Variants in FGF12 observed in about 807,000 individuals in gnomAD.
The protein encoded by FGF12 is fibroblast growth factor 12B.
In FGF12, 14 loss-of-function variants were observed where a neutral mutation model predicts 23.6. That is an observed-to-expected ratio of 0.59 (90% confidence interval 0.39 to 0.93). The LOEUF (loss-of-function observed/expected upper bound fraction) is 0.93. Ranked by LOEUF, FGF12 falls within the 40% of genes least tolerant of loss-of-function variation. FGF12 has a pLI of 0.00. For synonymous variants in FGF12, 62 were observed against 77.3 expected, an observed-to-expected ratio of 0.80 and a Z score of 1.04; for missense variants, 175 against 217.8, an observed-to-expected ratio of 0.80 and a Z score of 1.24.
chr3:192,614,376 C>T (rs1714669255), intron 2 of FGF12, among the ~76,000 whole-genome samples: 1 of 151,796 alleles, frequency 6.6e-6, no homozygotes, highest in Non-Finnish European at 1.5e-5. Context: ...ATTCAGAATG[C>T]TTTTAATTGG....
At chr3:192,273,655 C>T (rs1391023055) in intron 4 of FGF12, among the ~76,000 whole-genome samples, 2 of 152,148 alleles carry the variant, frequency 1.3e-5, no homozygotes, top group African/African-American at 4.8e-5. Context: ...GGTACACCCT[C>T]AGTAAATATT....
chr3:192,369,614 C>T (rs189883849), intron 2 of FGF12, among the ~76,000 whole-genome samples: 146 of 152,300 alleles, frequency 9.6e-4, no homozygotes, highest in African/African-American at 3.2e-3. Context: ...GGTTTTTGTA[C>T]TGAGCCAGTT....
chr3:192,694,192 A>G (rs1294094290), intron 2 of FGF12, among the ~76,000 whole-genome samples: 1 of 152,184 alleles, frequency 6.6e-6, no homozygotes, highest in African/African-American at 2.4e-5. Context: ...CTACGATGAG[A>G]TATCACCTCA....
intron 2 of FGF12, among the ~76,000 whole-genome samples, chr3:192,530,984 T>C (rs1367586662): frequency 6.6e-6 from 1 of 152,134 alleles, no homozygotes; most frequent in Admixed American, 6.5e-5. Flanking sequence ...CCAGCTAATT[T>C]TTGTATTTTT....
chr3:192,183,206 A>T (rs1265186147), intron 4 of FGF12, among the ~76,000 whole-genome samples: 2 of 151,992 alleles, frequency 1.3e-5, no homozygotes, highest in Admixed American at 6.6e-5. Flanking sequence ...TTTTTTAGAA[A>T]AGCAAAGAAG....
Position 192,637,481 on chromosome 3 carries a change from C to T in FGF12, c.13+89700G>A, listed in dbSNP as rs557409784. Among the ~76,000 whole-genome samples, 5 of 152,158 alleles carry T rather than the reference C, an allele frequency of 3.3e-5. No homozygotes were observed. In the South Asian group the frequency reaches 1.0e-3, roughly 31 times the overall value. On this transcript the variant is annotated intron_variant, in intron 2 of 5. Coordinates refer to ENST00000445105, the MANE Select transcript of FGF12 (RefSeq NM_004113.6). ...TACATTTGCCTGGGTTCAAATTTCA[C>T]CTCTGCCACTTACCAAATGTGCCTT...
intron 2 of FGF12, among the ~76,000 whole-genome samples, chr3:192,724,186 T>C (rs1292373424): frequency 6.6e-6 from 1 of 152,098 alleles, no homozygotes; most frequent in African/African-American, 2.4e-5. Flanking sequence ...CAAACATTAA[T>C]GTGCATACAA....
At chr3:192,648,334 T>C (rs1192259194) in intron 2 of FGF12, among the ~76,000 whole-genome samples, 1 of 152,106 alleles carries the variant, frequency 6.6e-6, no homozygotes, top group Non-Finnish European at 1.5e-5. Flanking sequence ...ATTTTGTTGG[T>C]TTTGTTGATT....
intron 2 of FGF12, among the ~76,000 whole-genome samples, chr3:192,628,828 T>C (rs1330480697): frequency 6.7e-6 from 1 of 149,884 alleles, no homozygotes; most frequent in Non-Finnish European, 1.5e-5. Context: ...TATTAATATA[T>C]ATACACACAC....
At chr3:192,607,472 T>C (rs1470500187) in intron 2 of FGF12, among the ~76,000 whole-genome samples, 12 of 152,186 alleles carry the variant, frequency 7.9e-5, no homozygotes, top group Admixed American at 2.6e-4. Context: ...CTAGAGCTTC[T>C]GTTAACTAGA....
intron 2 of FGF12, among the ~76,000 whole-genome samples, chr3:192,645,444 A>T (rs981260698): frequency 6.6e-6 from 1 of 152,164 alleles, no homozygotes; most frequent in African/African-American, 2.4e-5. Flanking sequence ...TGATGCTCAG[A>T]TTTCTGGCTT....
At chr3:192,238,937 G>C (rs1719452299) in intron 4 of FGF12, among the ~76,000 whole-genome samples, 1 of 152,196 alleles carries the variant, frequency 6.6e-6, no homozygotes, top group Admixed American at 6.5e-5. Context: ...AATGTGATGG[G>C]AAGTGCATTT....
intron 2 of FGF12, among the ~76,000 whole-genome samples, chr3:192,543,489 G>C (rs1238350987): frequency 6.6e-6 from 1 of 152,080 alleles, no homozygotes; most frequent in Non-Finnish European, 1.5e-5. Flanking sequence ...GAGTCTGCTT[G>C]GTGCTCTACC....
At chr3:192,192,789 T>C (rs1463181735) in intron 4 of FGF12, among the ~76,000 whole-genome samples, 1 of 152,182 alleles carries the variant, frequency 6.6e-6, no homozygotes, top group Non-Finnish European at 1.5e-5. Context: ...TATTTATGAA[T>C]ACCTGCAGTT....
At chr3:192,709,793 C>T (rs1718604845) in intron 2 of FGF12, among the ~76,000 whole-genome samples, 2 of 152,164 alleles carry the variant, frequency 1.3e-5, no homozygotes, top group Admixed American at 1.3e-4. Context: ...CTTCCACCCC[C>T]TAGAGCCTCC....
chr3:192,349,835 A>T (rs1015870929), intron 3 of FGF12, among the ~76,000 whole-genome samples: 15 of 152,122 alleles, frequency 9.9e-5, no homozygotes, highest in Non-Finnish European at 2.2e-4. Flanking sequence ...ATTGTCACGC[A>T]AAGTCATATT....
At chr3:192,286,360 A>C (rs7635407) in intron 4 of FGF12, among the ~76,000 whole-genome samples, 4,978 of 151,994 alleles carry the variant, frequency 0.033, 271 homozygotes, top group African/African-American at 0.11. Context: ...AAGCGTTCCC[A>C]CTCACTGTTT....
intron 5 of FGF12, among the ~76,000 whole-genome samples, chr3:192,146,272 A>ATATATTTTTTTTT (rs746233904): frequency 7.0e-6 from 1 of 143,254 alleles, no homozygotes; most frequent in African/African-American, 2.6e-5. Context: ...TAAAGTGTAT[A>ATATATTTTTTTTT]TTTTTTTTTT....
intron 2 of FGF12, among the ~76,000 whole-genome samples, chr3:192,692,710 T>TAA (rs200005337): frequency 4.6e-4 from 57 of 123,212 alleles, no homozygotes; most frequent in East Asian, 1.8e-3. Context: ...AGACCCTGTC[T>TAA]AAAAAAAAAA....
Sources: gnomAD v4.1 joint callset for allele counts (sites outside exome capture counted in the v4.1 genomes callset) on GRCh38, gnomAD v4.1.1 for gene constraint, MANE v1.5 for transcripts, NCBI Gene and HGNC (gene_info 2026-07-23, HGNC 2026-07-21) for gene names.